The following ZNF658 variants were observed in gnomAD, a reference collection of about 807,000 sequenced individuals.
ZNF658 encodes the protein zinc finger protein 658.
A neutral mutation model predicts 78.0 loss-of-function variants in ZNF658; 46 were observed. That is an observed-to-expected ratio of 0.59 (90% CI 0.47 to 0.75). The LOEUF (loss-of-function observed/expected upper bound fraction) is 0.75. Among genes scored for constraint, ZNF658 ranks in the 30% least tolerant of loss-of-function variants. ZNF658 has a pLI of 0.00. For missense variants in ZNF658, 785 were observed against 1,189.3 expected (o/e 0.66, Z 5.00); for synonymous variants, 279 against 408.4 (o/e 0.68, Z 3.82).
rs1822515867 is a variant in ZNF658 at position 66,921,053 on chromosome 9, C to T, written c.*307C>T. 3 of 371,596 alleles carry T rather than the reference C, an allele frequency of 8.1e-6. No individual in the cohort carries two copies. Among genetic ancestry groups the T allele is most frequent in the Non-Finnish European group, 1.5e-5 (3 of 203,306 alleles). 23.0% of individuals were successfully genotyped at this position (371,596 alleles called of 1,614,324 possible). On this transcript the variant is annotated 3_prime_UTR_variant, in exon 5 of 5. Transcript: ENST00000621410. ...TGTTCAAAACCATAGAGCACAAGGTCAAGGAAGCTAGAGTCTGAAAAACGA... is the reference window on the plus strand; with the variant it reads ...TGTTCAAAACCATAGAGCACAAGGTTAAGGAAGCTAGAGTCTGAAAAACGA...
chr9:66,910,943 A>G (rs1275619724), intron 4 of ZNF658, among the ~76,000 whole-genome samples: 2 of 152,040 alleles, frequency 1.3e-5, no homozygotes, highest in African/African-American at 4.8e-5. Flanking sequence ...GAGCACAGGG[A>G]AATGAAAACC....
At chr9:66,909,726 GTTA>G (rs1312367268) in intron 4 of ZNF658, among the ~76,000 whole-genome samples, 1 of 152,166 alleles carries the variant, frequency 6.6e-6, no homozygotes, top group East Asian at 1.9e-4. Flanking sequence ...ACCAGTGCTT[GTTA>G]TTGTTTGACT....
chr9:66,907,658 T>TA (rs1484313251), intron 2 of ZNF658, among the ~76,000 whole-genome samples: 1 of 152,226 alleles, frequency 6.6e-6, no homozygotes, highest in Non-Finnish European at 1.5e-5. Context: ...GAGCTTCTCA[T>TA]ACAGCTAGAT....
chr9:66,922,999 T>C (rs1233855553), downstream of ZNF658, among the ~76,000 whole-genome samples: 1 of 151,746 alleles, frequency 6.6e-6, no homozygotes, highest in African/African-American at 2.4e-5. Flanking sequence ...AGGATAAATT[T>C]ATATGTGAAA....
At chr9:66,928,676 C>A (rs1015842231) in intron 6 of ZNF658, among the ~76,000 whole-genome samples, 1 of 146,896 alleles carries the variant, frequency 6.8e-6, no homozygotes, top group Non-Finnish European at 1.5e-5. Context: ...CACGGTGAAA[C>A]CCCATCTCTA....
rs779198499 is a variant in ZNF658 at position 66,908,330 on chromosome 9, G to T, written c.108G>T (p.Val36=). Residue 36 remains valine (V), a synonymous_variant, in exon 3 of 5, where the codon GTG becomes GTT. Transcript: ENST00000621410. The part of the protein sequence containing the change: ...GPVERTLYRD[V]MLENYSHLIS... ...TCGAGAGGACGCTGTACAGAGATGT[G>T]ATGCTGGAGAACTACAGCCACCTCA... The T allele has an allele frequency of 6.2e-7, 1 of 1,614,128 alleles. No homozygotes were observed. Among genetic ancestry groups the T allele is most frequent in the Non-Finnish European group, 8.5e-7 (1 of 1,180,008 alleles).
At position 66,920,342 on chromosome 9, in the gene ZNF658, A is replaced by C; in HGVS notation, c.2776A>C (p.Ser926Arg). 4 of 1,613,678 alleles carry C rather than the reference A, an allele frequency of 2.5e-6. No homozygotes were observed. Among genetic ancestry groups the C allele is most frequent in the Non-Finnish European group, 1.7e-6 (2 of 1,179,922 alleles). ...GKTFSEKSYV[S>R]AHQRVHTGEK... Reference sequence around the variant, plus strand: ...AACCTTCTCTGAGAAGTCATATGTTAGTGCACATCAGAGAGTTCATACGGG... The same window carrying C: ...AACCTTCTCTGAGAAGTCATATGTTCGTGCACATCAGAGAGTTCATACGGG... Residue 926 changes from serine (S) to arginine (R), a missense_variant, in exon 5 of 5, where the codon AGT (serine) becomes CGT (arginine). Around this residue, in one of 12 missense-constraint regions of ZNF658, gnomAD observed 85 missense variants for 108.6 expected, o/e 0.78. Coordinates refer to ENST00000621410, the MANE Select transcript of ZNF658 (RefSeq NM_033160.7).
intron 6 of ZNF658, among the ~76,000 whole-genome samples, chr9:66,929,472 C>T (rs960569734): frequency 6.8e-6 from 1 of 147,188 alleles, no homozygotes; most frequent in African/African-American, 2.5e-5. Context: ...CTGAAGGATT[C>T]CCTAAAATGT....
At chr9:66,908,881 TCAAG>T (rs1337722279) in intron 4 of ZNF658, 147 bp downstream of exon 4, 1 of 609,456 alleles carries the variant, frequency 1.6e-6, no homozygotes, top group African/African-American at 1.9e-5. Flanking sequence ...GTCAGTGACT[TCAAG>T]CAACCACAGA....
intron 2 of ZNF658, among the ~76,000 whole-genome samples, chr9:66,907,704 G>A (rs1297068876): frequency 1.3e-5 from 2 of 152,352 alleles, no homozygotes; most frequent in Middle Eastern, 3.4e-3. Flanking sequence ...TATTAAATGG[G>A]TGTTGCTTCT....
rs373461942 is a variant in ZNF658 at position 66,918,140 on chromosome 9, G to A, written c.574G>A (p.Gly192Ser). 2.6e-5 allele frequency: 42 copies of A among 1,594,790 alleles called. No individual in the cohort carries two copies. In the Middle Eastern group the frequency reaches 1.8e-3, roughly 70 times the overall value. ...AHAEEKSYEHGENAKAFSYKK... is the reference protein window; with the variant it reads ...AHAEEKSYEHSENAKAFSYKK... ...TGCTGAAGAGAAATCTTATGAACATGGTGAAAATGCTAAAGCTTTCAGTTA... is the reference window on the plus strand; with the variant it reads ...TGCTGAAGAGAAATCTTATGAACATAGTGAAAATGCTAAAGCTTTCAGTTA... Residue 192 changes from glycine (G) to serine (S), a missense_variant, in exon 5 of 5, where the codon GGT becomes AGT. This residue lies in a region of ZNF658 where 393 missense variants were observed against 400.2 expected (regional missense o/e 0.98). Coordinates refer to ENST00000621410, the MANE Select transcript of ZNF658 (RefSeq NM_033160.7).
In ZNF658 at chr9:66,917,361, T is replaced by C. The variant is rs546409854; in HGVS notation, c.239-444T>C. Among the ~76,000 whole-genome samples the C allele has an allele frequency of 1.3e-3, 199 of 147,516 alleles. 2 individuals are homozygous for C. The highest frequency in any genetic ancestry group is 2.3e-3 in the Non-Finnish European group (152 of 67,302). The stretch of plus-strand genomic sequence containing the variant: ...CATGGATGAGGAGAGAGTCTGTCTG[T>C]GTGCATGAAGTATTTAATATTTGGA... On this transcript the variant is annotated intron_variant, in intron 4 of 4. Coordinates refer to ENST00000621410, the MANE Select transcript of ZNF658 (RefSeq NM_033160.7).
chr9:66,909,598 G>T (rs1357363291), intron 4 of ZNF658, among the ~76,000 whole-genome samples: 1 of 151,836 alleles, frequency 6.6e-6, no homozygotes, highest in Non-Finnish European at 1.5e-5. Context: ...TGAAACTGCT[G>T]GGTCATATGG....
intron 1 of ZNF658, 156 bp downstream of exon 1, chr9:66,900,992 C>T (rs978120426): frequency 3.9e-5 from 6 of 152,136 alleles, no homozygotes; most frequent in African/African-American, 1.4e-4. Context: ...GAGTCCTGTC[C>T]GCAGGTGTAG....
At chr9:66,916,710 T>C (rs1261126034) in intron 4 of ZNF658, among the ~76,000 whole-genome samples, 4 of 143,140 alleles carry the variant, frequency 2.8e-5, no homozygotes, top group Admixed American at 7.2e-5. Flanking sequence ...AAACAACTTA[T>C]TATATTCTTG....
At position 66,921,002 on chromosome 9, in the gene ZNF658, T is replaced by C. The variant is rs1257951926; in HGVS notation, c.*256T>C. ...GTTCATAAGATGGATTTGGAGGTTA[T>C]TTCTGCAGCAAACTTGGGTCCTGTG... is the stretch of plus-strand genomic sequence containing the variant. On this transcript the variant is annotated 3_prime_UTR_variant, in exon 5 of 5. Transcript: ENST00000621410. The C allele has an allele frequency of 9.3e-6, 5 of 538,752 alleles. No individual in the cohort carries two copies. The Admixed American group carries it at 1.4e-4, about 15-fold the overall frequency. 33.4% of individuals were successfully genotyped at this position (538,752 alleles called of 1,614,324 possible).
downstream of ZNF658, chr9:66,924,319 G>A: frequency 2.2e-6 from 1 of 447,074 alleles, no homozygotes; most frequent in Non-Finnish European, 4.5e-6. Flanking sequence ...GGTCAGCTGT[G>A]CCTGAATCCC....
Position 66,919,696 on chromosome 9 carries a change from G to T in ZNF658, c.2130G>T (p.Gly710=). ...ALKIHQRIHT[G]EKPYECNECE... is the part of the protein sequence containing the mutation. ...AAATACATCAGAGAATTCACACGGG[G>T]GAGAAACCCTATGAATGTAATGAAT... The change falls in exon 5 of 5, where the codon GGG becomes GGT. Residue 710 remains glycine (G), a synonymous_variant. Transcript: ENST00000621410. The T allele has an allele frequency of 6.2e-7, 1 of 1,612,160 alleles. No homozygotes were observed. Among genetic ancestry groups the T allele is most frequent in the Non-Finnish European group, 8.5e-7 (1 of 1,179,722 alleles).
In ZNF658 at chr9:66,920,880, C is replaced by A; in HGVS notation, c.*134C>A. ...GAAAAATCCCAATATGCCGTTTATT[C>A]AGGTGGGGCTGACCATGGGATGTGG... is the stretch of plus-strand genomic sequence containing the variant. On this transcript the variant is annotated 3_prime_UTR_variant, in exon 5 of 5. Coordinates refer to ENST00000621410, the MANE Select transcript of ZNF658 (RefSeq NM_033160.7). 1.4e-6 allele frequency: 1 copy of A among 726,534 alleles called. No homozygotes were observed. Among genetic ancestry groups the A allele is most frequent in the South Asian group, 1.7e-5 (1 of 59,138 alleles). 45.0% of individuals were successfully genotyped at this position (726,534 alleles called of 1,614,324 possible).
Sources: gnomAD v4.1 joint callset for allele counts (sites outside exome capture counted in the v4.1 genomes callset) on GRCh38, gnomAD v4.1.1 for gene constraint, gnomAD v4.1.1 regional missense constraint, MANE v1.5 for transcripts, NCBI Gene and HGNC (gene_info 2026-07-23, HGNC 2026-07-21) for gene names.